Variants in XKR4 observed in about 807,000 individuals in gnomAD.
The protein encoded by XKR4 is XK related 4.
Under a neutral mutation model 53.9 loss-of-function variants are expected in XKR4, and 12 were observed. That is an observed-to-expected ratio of 0.22 (90% confidence interval 0.14 to 0.36). The LOEUF is 0.36. Among genes scored for constraint, XKR4 ranks in the 10% least tolerant of loss-of-function variants. The probability of loss-of-function intolerance (pLI) is 1.00; values close to 1 mark genes in which losing one functional copy is unlikely to be tolerated. For synonymous variants in XKR4, 354 were observed against 362.4 expected, an observed-to-expected ratio of 0.98 and a Z score of 0.26; for missense variants, 799 against 859.5, an observed-to-expected ratio of 0.93 and a Z score of 0.88.
chr8:55,453,431 A>G (rs971423030), intron 2 of XKR4: 31 of 400,854 alleles, frequency 7.7e-5, no homozygotes, highest in African/African-American at 5.9e-4. Flanking sequence ...AGCTAGGAGC[A>G]GCTTCTTGGC....
At chr8:55,519,057 C>T (rs1412849281) in intron 2 of XKR4, among the ~76,000 whole-genome samples, 1 of 152,094 alleles carries the variant, frequency 6.6e-6, no homozygotes, top group African/African-American at 2.4e-5. Flanking sequence ...TAGGAGAGTT[C>T]GCTTTGGAGA....
At chr8:55,212,938 A>G (rs1817749847) in intron 1 of XKR4, among the ~76,000 whole-genome samples, 1 of 152,240 alleles carries the variant, frequency 6.6e-6, no homozygotes, top group Non-Finnish European at 1.5e-5. Flanking sequence ...CCAACATAAA[A>G]TTTATTGAAA....
At chr8:55,262,391 G>T (rs957587289) in intron 1 of XKR4, among the ~76,000 whole-genome samples, 34 of 152,174 alleles carry the variant, frequency 2.2e-4, no homozygotes, top group African/African-American at 7.7e-4. Context: ...GAATGTTTGT[G>T]TCCCTGAAAA....
chr8:55,177,762 T>C (rs1303020214), intron 1 of XKR4, among the ~76,000 whole-genome samples: 1 of 152,176 alleles, frequency 6.6e-6, no homozygotes, highest in Non-Finnish European at 1.5e-5. Flanking sequence ...AGCATGGCTA[T>C]TGTGGACTTT....
chr8:55,385,872 G>A (rs1253920890), intron 2 of XKR4, among the ~76,000 whole-genome samples: 1 of 152,036 alleles, frequency 6.6e-6, no homozygotes, highest in Admixed American at 6.6e-5. Context: ...AAAAGAACTG[G>A]CAATTAAAGT....
chr8:55,351,563 T>C (rs1451051662), intron 1 of XKR4, among the ~76,000 whole-genome samples: 3 of 152,234 alleles, frequency 2.0e-5, no homozygotes, highest in Non-Finnish European at 2.9e-5. Context: ...GTGGGAGTTC[T>C]ACTGACCATG....
intron 1 of XKR4, among the ~76,000 whole-genome samples, chr8:55,300,278 G>A (rs1819170250): frequency 6.6e-6 from 1 of 152,170 alleles, no homozygotes; most frequent in African/African-American, 2.4e-5. Flanking sequence ...TGAGTGTTGG[G>A]ACCTGGAAGT....
chr8:55,124,018 T>C (rs542758705), intron 1 of XKR4, among the ~76,000 whole-genome samples: 5 of 152,322 alleles, frequency 3.3e-5, no homozygotes, highest in African/African-American at 1.2e-4. Flanking sequence ...TACTTTTTTG[T>C]TTTGCCACTA....
At chr8:55,168,928 C>A (rs1242915773) in intron 1 of XKR4, among the ~76,000 whole-genome samples, 1 of 152,186 alleles carries the variant, frequency 6.6e-6, no homozygotes, top group Admixed American at 6.5e-5. Context: ...ATAGTCCTAG[C>A]AAACTGCAGG....
At chr8:55,508,780 G>GAA (rs1463282672) in intron 2 of XKR4, among the ~76,000 whole-genome samples, 2 of 152,194 alleles carry the variant, frequency 1.3e-5, no homozygotes, top group African/African-American at 4.8e-5. Context: ...AAAGAAATCA[G>GAA]AAAAGAACAC....
chr8:55,225,845 T>C (rs776982042), intron 1 of XKR4, among the ~76,000 whole-genome samples: 5 of 152,220 alleles, frequency 3.3e-5, no homozygotes, highest in Non-Finnish European at 7.3e-5. Context: ...ACTATTATAA[T>C]GTCTCAAGTG....
intron 2 of XKR4, chr8:55,455,149 C>A (rs1009140223): frequency 3.4e-6 from 2 of 586,626 alleles, no homozygotes; most frequent in South Asian, 3.5e-5. Flanking sequence ...TGGGGAGGGA[C>A]GCTGGGCGGG....
intron 1 of XKR4, among the ~76,000 whole-genome samples, chr8:55,273,872 A>T (rs1818727732): frequency 6.6e-6 from 1 of 152,160 alleles, no homozygotes; most frequent in Non-Finnish European, 1.5e-5. Flanking sequence ...TCCTGTCTTG[A>T]TGAATCGGTT....
At chr8:55,381,838 A>G (rs1010873161) in intron 2 of XKR4, among the ~76,000 whole-genome samples, 1 of 152,200 alleles carries the variant, frequency 6.6e-6, no homozygotes, top group East Asian at 1.9e-4. Flanking sequence ...TTCCCCCTCT[A>G]TCACATCTCT....
In XKR4 at chr8:55,289,640, A is replaced by AG. The variant is rs1491306066; in HGVS notation, c.807-68037dup. ...AAGAAAGAAAGAAAGAAAGAAAGAAAGAAAGAAAGGAAGGAAGGAAAAGAA... is the reference window on the plus strand; with the variant it reads ...AAGAAAGAAAGAAAGAAAGAAAGAAAGGAAAGAAAGGAAGGAAGGAAAAGAA... On this transcript the variant is annotated intron_variant, in intron 1 of 2. Transcript: ENST00000327381. Among the ~76,000 whole-genome samples, 484 of 129,476 alleles carry AG rather than the reference A, an allele frequency of 3.7e-3. 4 individuals carry two copies. Among genetic ancestry groups the AG allele is most frequent in the East Asian group, 0.013 (59 of 4,582 alleles). The allele number at this position is 129,476 out of a possible 152,430, so 84.9% of individuals were successfully genotyped here. A position where few individuals can be genotyped will look rare whatever the true frequency, so the allele number is the denominator to read the frequency against.
intron 1 of XKR4, among the ~76,000 whole-genome samples, chr8:55,269,586 G>A (rs1395432600): frequency 6.6e-6 from 1 of 152,142 alleles, no homozygotes; most frequent in African/African-American, 2.4e-5. Context: ...AGAATGAAGG[G>A]AGGAGGGATT....
At chr8:55,159,604 G>A (rs1356962045) in intron 1 of XKR4, among the ~76,000 whole-genome samples, 1 of 152,190 alleles carries the variant, frequency 6.6e-6, no homozygotes, top group Non-Finnish European at 1.5e-5. Context: ...AGGCACGTGA[G>A]TAAGTGAGAA....
chr8:55,319,680 G>A (rs898829421), intron 1 of XKR4, among the ~76,000 whole-genome samples: 1 of 152,152 alleles, frequency 6.6e-6, no homozygotes, highest in Non-Finnish European at 1.5e-5. Flanking sequence ...AAAATATAAT[G>A]CACATATTAA....
chr8:55,497,532 A>G (rs59692373), intron 2 of XKR4, among the ~76,000 whole-genome samples: 8,047 of 152,174 alleles, frequency 0.053, 606 homozygotes, highest in East Asian at 0.28. Context: ...TGTTATCTTT[A>G]TTGTCTTCCC....
Sources: gnomAD v4.1 joint callset for allele counts (sites outside exome capture counted in the v4.1 genomes callset) on GRCh38, gnomAD v4.1.1 for gene constraint, MANE v1.5 for transcripts, NCBI Gene and HGNC (gene_info 2026-07-23, HGNC 2026-07-21) for gene names.